Variants in EYS observed in about 807,000 individuals in gnomAD.
The protein encoded by EYS is EGF-like photoreceptor maintenance factor, also known as protein eyes shut homolog.
EYS carries 250 observed loss-of-function variants against 282.1 expected under a neutral mutation model. The observed-to-expected ratio is 0.89, with a 90% CI of 0.80 to 0.98. The LOEUF (loss-of-function observed/expected upper bound fraction) is 0.98, where lower values mean the gene tolerates loss of function less well. Among genes scored for constraint, EYS ranks in the 50% least tolerant of loss-of-function variants. EYS has a pLI of 0.00. For missense variants in EYS, 4,016 were observed against 3,709.0 expected (o/e 1.08, Z -2.15); for synonymous variants, 1,355 against 1,282.9 (o/e 1.06, Z -1.20).
At chr6:65,024,525 T>A (rs1441487166) in intron 13 of EYS, among the ~76,000 whole-genome samples, 1 of 152,182 alleles carries the variant, frequency 6.6e-6, no homozygotes, top group Non-Finnish European at 1.5e-5. Flanking sequence ...TGTGCTTCAG[T>A]TTTTCAGAAT....
chr6:65,375,799 T>C lies in EYS; in HGVS notation c.1299+8587A>G, dbSNP rs549478491. Among the ~76,000 whole-genome samples, 3 of 151,868 alleles carry C rather than the reference T, an allele frequency of 2.0e-5. No homozygotes were observed. The South Asian group carries it at 6.2e-4, about 32-fold the overall frequency. On this transcript the variant is annotated intron_variant, in intron 8 of 42. Transcript: ENST00000503581. ...TATCAGAGATTGAAGATCAACTTAA[T>C]GAAATAAAGCGTGAAGACAAGATTA...
Position 64,830,321 on chromosome 6 carries a change from A to C in EYS, c.2993-7499T>G, listed in dbSNP as rs150508818. On this transcript the variant is annotated intron_variant, in intron 19 of 42. Transcript: ENST00000503581. ...CTACGGGATTTTGTGATAGAAGCTCAAATGGACTAAGATACAAGGGTAAGT... is the reference window on the plus strand; with the variant it reads ...CTACGGGATTTTGTGATAGAAGCTCCAATGGACTAAGATACAAGGGTAAGT... Among the ~76,000 whole-genome samples the C allele has an allele frequency of 2.0e-5, 3 of 152,132 alleles. No individual in the cohort carries two copies. The East Asian group carries it at 5.8e-4, about 30-fold the overall frequency.
intron 2 of EYS, among the ~76,000 whole-genome samples, chr6:65,533,797 T>A (rs940452782): frequency 6.6e-6 from 1 of 152,082 alleles, no homozygotes; most frequent in Non-Finnish European, 1.5e-5. Context: ...CTGAAAAAAA[T>A]ACATTTCTGT....
intron 12 of EYS, among the ~76,000 whole-genome samples, chr6:65,073,516 G>C (rs985041631): frequency 6.6e-6 from 1 of 151,564 alleles, no homozygotes; most frequent in Admixed American, 6.6e-5. Context: ...ACCCAAACTA[G>C]ATAAAGGAAA....
intron 35 of EYS, among the ~76,000 whole-genome samples, chr6:63,926,648 A>G (rs188483145): frequency 7.0e-4 from 106 of 152,354 alleles, no homozygotes; most frequent in African/African-American, 2.4e-3. Flanking sequence ...TAGTCCAGAC[A>G]TTCAATCACA....
At chr6:64,612,158 A>G (rs563416914) in intron 24 of EYS, among the ~76,000 whole-genome samples, 20 of 152,238 alleles carry the variant, frequency 1.3e-4, no homozygotes, top group Non-Finnish European at 2.6e-4. Context: ...GTCCTTCTGT[A>G]GAACTCAGAA....
intron 22 of EYS, among the ~76,000 whole-genome samples, chr6:64,687,604 C>G (rs533814942): frequency 6.6e-6 from 1 of 152,144 alleles, no homozygotes; most frequent in Non-Finnish European, 1.5e-5. Context: ...TTTTGATATG[C>G]GGCTGGATTC....
At chr6:64,660,165 G>A (rs1768943191) in intron 22 of EYS, among the ~76,000 whole-genome samples, 2 of 152,088 alleles carry the variant, frequency 1.3e-5, no homozygotes, top group Admixed American at 6.5e-5. Flanking sequence ...ATGCAGAAAA[G>A]GCCTTTGACA....
At chr6:64,900,044 T>A (rs952777726) in intron 18 of EYS, among the ~76,000 whole-genome samples, 2 of 151,980 alleles carry the variant, frequency 1.3e-5, no homozygotes. Flanking sequence ...TATAGACCAA[T>A]GGAACAGAAC....
intron 1 of EYS, among the ~76,000 whole-genome samples, chr6:65,679,632 T>C (rs12527557): frequency 0.22 from 33,747 of 151,788 alleles, 4,538 homozygotes; most frequent in African/African-American, 0.39. Context: ...ATAAAGTATA[T>C]ATAGTTAACA....
chr6:64,043,719 A>C (rs1305509901), intron 33 of EYS, among the ~76,000 whole-genome samples: 1 of 152,100 alleles, frequency 6.6e-6, no homozygotes, highest in Non-Finnish European at 1.5e-5. Context: ...TCCTTATAAT[A>C]CTCTCTAACA....
intron 8 of EYS, 82 bp from the exon 9 acceptor site, chr6:65,353,699 T>A (rs1185104856): frequency 3.4e-6 from 4 of 1,163,306 alleles, no homozygotes; most frequent in Non-Finnish European, 5.1e-6. Context: ...AACAGCTAAT[T>A]TTTAAAACCA....
intron 29 of EYS, among the ~76,000 whole-genome samples, chr6:64,325,307 G>A (rs1304786247): frequency 6.6e-6 from 1 of 152,166 alleles, no homozygotes; most frequent in Non-Finnish European, 1.5e-5. Flanking sequence ...AGATCCAGAA[G>A]AGAGATAACA....
In EYS at chr6:63,956,395, C is replaced by T. The variant is rs150033194; in HGVS notation, c.7055+27988G>A. Among the ~76,000 whole-genome samples, 645 of 152,232 alleles carry T rather than the reference C, an allele frequency of 4.2e-3. 4 individuals are homozygous for T. The highest frequency in any genetic ancestry group is 0.013 in the African/African-American group (560 of 41,544). On this transcript the variant is annotated intron_variant, in intron 35 of 42. Coordinates refer to ENST00000503581, the MANE Select transcript of EYS (RefSeq NM_001142800.2). Reference sequence around the variant, plus strand: ...CATTACCAACCCAAATCCTGTAAAACGGCCCACCTCTATCTCCCTTCTCTG... The same window carrying T: ...CATTACCAACCCAAATCCTGTAAAATGGCCCACCTCTATCTCCCTTCTCTG...
intron 28 of EYS, among the ~76,000 whole-genome samples, chr6:64,399,064 G>C (rs981637925): frequency 1.3e-5 from 2 of 151,712 alleles, no homozygotes; most frequent in Non-Finnish European, 3.0e-5. Context: ...TTTGGAAAAA[G>C]TTTGTACTGT....
intron 15 of EYS, among the ~76,000 whole-genome samples, chr6:64,931,883 T>C (rs757373144): frequency 9.2e-5 from 14 of 152,088 alleles, no homozygotes; most frequent in Non-Finnish European, 1.6e-4. Context: ...ACACTGTGAT[T>C]GTAGAACCCA....
rs1177305926 is a variant in EYS at position 63,984,534 on chromosome 6, C to G, written c.6904G>C (p.Val2302Leu). The G allele has an allele frequency of 8.4e-6, 13 of 1,549,666 alleles. No individual in the cohort carries two copies. The East Asian group carries it at 2.7e-4, about 32-fold the overall frequency. Residue 2302 changes from valine (V) to leucine (L), a missense_variant, in exon 35 of 43, where the codon GTT (valine) becomes CTT (leucine). Physicochemically the swap from Val to Leu is conservative, Grantham distance 32. Transcript: ENST00000503581. The stretch of plus-strand genomic sequence containing the variant: ...AGAATGCAGCCCCTGAACCCATAAA[C>G]AGGACCTGCTTTCTTATGAATTTGA... ...NVQIHKKAGP[V>L]YGFRGCILDL...
intron 2 of EYS, among the ~76,000 whole-genome samples, chr6:65,550,143 CTTTTTT>C (rs1048251073): frequency 4.2e-3 from 25 of 5,952 alleles, no homozygotes; most frequent in Non-Finnish European, 3.4e-3. Context: ...TCTACTATAT[CTTTTTT>C]TTTTTTTTTT....
intron 2 of EYS, among the ~76,000 whole-genome samples, chr6:65,508,623 A>C (rs1009476433): frequency 5.4e-5 from 8 of 149,466 alleles, no homozygotes; most frequent in African/African-American, 2.0e-4. Flanking sequence ...AGATCACGCC[A>C]CTGCACTCCA....
Sources: gnomAD v4.1 joint callset for allele counts (sites outside exome capture counted in the v4.1 genomes callset) on GRCh38, gnomAD v4.1.1 for gene constraint, MANE v1.5 for transcripts, NCBI Gene and HGNC (gene_info 2026-07-23, HGNC 2026-07-21) for gene names.